The following KDM4C variants were observed in gnomAD, a reference collection of about 807,000 sequenced individuals.
KDM4C encodes the protein lysine-specific demethylase 4C.
Under a neutral mutation model 129.3 loss-of-function variants are expected in KDM4C, and 81 were observed. The observed-to-expected ratio is 0.63, with a 90% CI of 0.52 to 0.75. The LOEUF (loss-of-function observed/expected upper bound fraction) is 0.75, where lower values mean the gene tolerates loss of function less well. Ranked by LOEUF, KDM4C falls within the 30% of genes least tolerant of loss-of-function variation. The pLI, the probability that KDM4C is intolerant of heterozygous loss-of-function variation, is 0.00. For synonymous variants in KDM4C, 573 were observed against 456.1 expected, an observed-to-expected ratio of 1.26 and a Z score of -3.26; for missense variants, 1,457 against 1,304.0, an observed-to-expected ratio of 1.12 and a Z score of -1.81.
At chr9:6,815,636 A>T (rs1487011045) in intron 4 of KDM4C, among the ~76,000 whole-genome samples, 1 of 152,190 alleles carries the variant, frequency 6.6e-6, no homozygotes, top group African/African-American at 2.4e-5. Context: ...AGAAATCCAA[A>T]ATCTAAATGC....
intron 11 of KDM4C, among the ~76,000 whole-genome samples, chr9:6,989,943 T>C (rs1423881844): frequency 6.9e-6 from 1 of 145,812 alleles, no homozygotes; most frequent in Non-Finnish European, 1.5e-5. Context: ...CCTGGCTATT[T>C]TTTTTTTTTT....
intron 8 of KDM4C, among the ~76,000 whole-genome samples, chr9:6,907,858 A>G (rs1818599784): frequency 6.6e-6 from 1 of 152,228 alleles, no homozygotes; most frequent in African/African-American, 2.4e-5. Flanking sequence ...TTTTCATACA[A>G]TTAAAAGTCA....
chr9:6,777,607 C>G (rs1215463699), intron 1 of KDM4C, among the ~76,000 whole-genome samples: 1 of 152,110 alleles, frequency 6.6e-6, no homozygotes, highest in Non-Finnish European at 1.5e-5. Flanking sequence ...TATATCTGTT[C>G]TCCTTATTGC....
intron 17 of KDM4C, among the ~76,000 whole-genome samples, chr9:7,070,143 A>G (rs1411260200): frequency 6.6e-6 from 1 of 152,206 alleles, no homozygotes; most frequent in African/African-American, 2.4e-5. Flanking sequence ...AATTTCTTAT[A>G]AGAAACAAAA....
At chr9:6,994,705 A>G (rs900716132) in intron 12 of KDM4C, among the ~76,000 whole-genome samples, 1 of 152,214 alleles carries the variant, frequency 6.6e-6, no homozygotes, top group Non-Finnish European at 1.5e-5. Context: ...ACATACTGTC[A>G]TATTAAAAGA....
At chr9:6,802,819 C>T (rs1220799777) in intron 2 of KDM4C, among the ~76,000 whole-genome samples, 3 of 152,194 alleles carry the variant, frequency 2.0e-5, no homozygotes, top group Non-Finnish European at 4.4e-5. Flanking sequence ...GTTGGCCAAG[C>T]TGATCTTAAA....
At chr9:6,853,613 G>A (rs1053294864) in intron 5 of KDM4C, among the ~76,000 whole-genome samples, 2 of 152,236 alleles carry the variant, frequency 1.3e-5, no homozygotes, top group African/African-American at 2.4e-5. Context: ...GCAGGTTTGC[G>A]GAGTAAGTGT....
chr9:7,103,553 G>T, intron 17 of KDM4C, 132 bp from the exon 18 acceptor site: 1 of 688,808 alleles, frequency 1.5e-6, no homozygotes, highest in Admixed American at 2.8e-5. Context: ...CCCCTGGAGG[G>T]GTCAGGACTT....
intron 18 of KDM4C, among the ~76,000 whole-genome samples, chr9:7,119,663 T>G (rs766241958): frequency 1.3e-5 from 2 of 152,094 alleles, no homozygotes; most frequent in Admixed American, 6.6e-5. Context: ...AAAACAAGTT[T>G]ATTTTTCTAA....
At chr9:6,934,704 C>T (rs1034529851) in intron 8 of KDM4C, among the ~76,000 whole-genome samples, 7 of 151,722 alleles carry the variant, frequency 4.6e-5, no homozygotes, top group South Asian at 2.1e-4. Flanking sequence ...CCTCGTGATC[C>T]GCCCACCTCG....
chr9:7,064,126 A>G (rs1832085228), intron 17 of KDM4C, among the ~76,000 whole-genome samples: 1 of 152,194 alleles, frequency 6.6e-6, no homozygotes, highest in South Asian at 2.1e-4. Context: ...CTTTAGATAC[A>G]ACTATAGTTT....
intron 17 of KDM4C, among the ~76,000 whole-genome samples, chr9:7,102,364 A>T (rs1837197276): frequency 8.9e-6 from 1 of 112,772 alleles, no homozygotes; most frequent in African/African-American, 3.5e-5. Context: ...AGAAACCTTT[A>T]ATTATATGAA....
chr9:7,171,393 A>C (rs915686597), intron 21 of KDM4C, among the ~76,000 whole-genome samples: 1 of 152,172 alleles, frequency 6.6e-6, no homozygotes, highest in Non-Finnish European at 1.5e-5. Context: ...CTTGAGAAAA[A>C]CTTTCCTTTT....
intron 19 of KDM4C, among the ~76,000 whole-genome samples, chr9:7,135,721 G>A (rs568576210): frequency 1.8e-4 from 28 of 152,248 alleles, no homozygotes; most frequent in African/African-American, 6.7e-4. Flanking sequence ...AAGTTGGAAA[G>A]ACTAAGAAAA....
At chr9:7,037,906 A>T (rs751004346) in intron 15 of KDM4C, among the ~76,000 whole-genome samples, 1 of 152,090 alleles carries the variant, frequency 6.6e-6, no homozygotes, top group East Asian at 1.9e-4. Flanking sequence ...TGTAATAGTG[A>T]ATCATTTTAT....
intron 21 of KDM4C, chr9:7,170,157 T>TA: frequency 7.5e-7 from 1 of 1,332,910 alleles, no homozygotes; most frequent in Non-Finnish European, 9.8e-7. Context: ...CAAAAATACT[T>TA]ACTGAATGTG....
Position 7,111,679 on chromosome 9 carries a change from C to A in KDM4C, c.2610+7809C>A, listed in dbSNP as rs189584197. Reference sequence around the variant, plus strand: ...AGGAAGGCTGAAGAGTTCAGTGTTACTGGCTCTAAGACATGTCAGGTTTAC... The same window carrying A: ...AGGAAGGCTGAAGAGTTCAGTGTTAATGGCTCTAAGACATGTCAGGTTTAC... On this transcript the variant is annotated intron_variant, in intron 18 of 21. Transcript: ENST00000381309. Among the ~76,000 whole-genome samples, 3 of 152,288 alleles carry A rather than the reference C, an allele frequency of 2.0e-5. No homozygotes were observed. In the East Asian group the frequency reaches 5.8e-4, roughly 29 times the overall value.
At chr9:7,122,827 A>G (rs1187291419) in intron 18 of KDM4C, among the ~76,000 whole-genome samples, 1 of 152,158 alleles carries the variant, frequency 6.6e-6, no homozygotes, top group Admixed American at 6.6e-5. Context: ...AGAAAATTCA[A>G]GTTTTACAGC....
chr9:6,866,312 G>C (rs776449643), intron 5 of KDM4C, among the ~76,000 whole-genome samples: 10 of 151,846 alleles, frequency 6.6e-5, no homozygotes, highest in South Asian at 2.1e-4. Context: ...CTAGGTTACT[G>C]TTTCCTTTTT....
Sources: allele counts gnomAD v4.1 joint callset (sites outside exome capture counted in the v4.1 genomes callset), GRCh38; gene constraint gnomAD v4.1.1; transcripts MANE v1.5; gene names NCBI Gene and HGNC (gene_info 2026-07-23, HGNC 2026-07-21).